The following ATXN8OS variants were observed in gnomAD, a reference collection of about 807,000 sequenced individuals.
ATXN8OS encodes ATXN8 opposite strand (non-protein coding).
At chr13:70,149,862 C>A (rs1051009346) in intron 4 of ATXN8OS, among the ~76,000 whole-genome samples, 1 of 151,884 alleles carries the variant, frequency 6.6e-6, no homozygotes. Flanking sequence ...CAAACAAAAA[C>A]TTTTTTTTCC....
At chr13:70,171,230 G>T (rs1408604934) in exon 5 of ATXN8OS, among the ~76,000 whole-genome samples, 1 of 152,122 alleles carries the variant, frequency 6.6e-6, no homozygotes, top group African/African-American at 2.4e-5. Flanking sequence ...AGTTTGAAGA[G>T]TTGGCTGGTG....
intron 3 of ATXN8OS, chr13:70,131,558 T>A (rs1211439652): frequency 2.5e-6 from 1 of 398,214 alleles, no homozygotes; most frequent in African/African-American, 2.1e-5. Flanking sequence ...GCCTTTGGAC[T>A]GCTTCTTTCC....
At chr13:70,130,441 G>A (rs1283180436) in intron 3 of ATXN8OS, among the ~76,000 whole-genome samples, 2 of 152,162 alleles carry the variant, frequency 1.3e-5, no homozygotes, top group Non-Finnish European at 2.9e-5. Context: ...AAGGCTTGAA[G>A]AATATAAAAT....
intron 4 of ATXN8OS, among the ~76,000 whole-genome samples, chr13:70,166,878 A>G (rs9542198): frequency 0.49 from 73,625 of 150,464 alleles, 20,367 homozygotes; most frequent in Non-Finnish European, 0.63. Context: ...CACTTCTCAA[A>G]AGAAGACATT....
intron 2 of ATXN8OS, among the ~76,000 whole-genome samples, chr13:70,118,730 T>G (rs1014560693): frequency 2.0e-5 from 3 of 152,116 alleles, no homozygotes; most frequent in African/African-American, 7.2e-5. Flanking sequence ...TCCTCTGATT[T>G]TGTAGATTCC....
chr13:70,117,875 A>G (rs189654170), intron 2 of ATXN8OS, among the ~76,000 whole-genome samples: 87 of 152,210 alleles, frequency 5.7e-4, no homozygotes, highest in African/African-American at 2.0e-3. Context: ...GTTTAAAAAT[A>G]AAGCTTTCAA....
At chr13:70,146,544 G>C (rs979367607) in intron 3 of ATXN8OS, among the ~76,000 whole-genome samples, 1 of 152,122 alleles carries the variant, frequency 6.6e-6, no homozygotes, top group South Asian at 2.1e-4. Flanking sequence ...ACTGGATTAA[G>C]AAAATGTGGC....
chr13:70,139,398 GC>G (rs1888672029), intron 3 of ATXN8OS: 9 of 610,984 alleles, frequency 1.5e-5, no homozygotes, highest in African/African-American at 2.3e-5. Context: ...TGCTGCTGCT[GC>G]TGCTGCTGCT....
rs552841984 is a variant in ATXN8OS, at chr13:70,152,840, C to T, written n.573+5412C>T. Among the ~76,000 whole-genome samples, 27 of 152,002 alleles carry T rather than the reference C, an allele frequency of 1.8e-4. 1 individual carries two copies. The highest frequency in any genetic ancestry group is 6.5e-4 in the African/African-American group (27 of 41,464). Reference sequence around the variant, plus strand: ...TTTACTCATTTATTTTTCCCAGCAGCATAGTAGTCCGTTTTATATGGAGTC... The same window carrying T: ...TTTACTCATTTATTTTTCCCAGCAGTATAGTAGTCCGTTTTATATGGAGTC... On this transcript the variant is annotated intron_variant and non_coding_transcript_variant, in intron 4 of 4. Transcript: ENST00000678624.
chr13:70,129,327 TG>T (rs1423754611), intron 2 of ATXN8OS, among the ~76,000 whole-genome samples: 1 of 152,140 alleles, frequency 6.6e-6, no homozygotes, highest in Admixed American at 6.6e-5. Flanking sequence ...TAATCATACT[TG>T]GATTATGAAC....
chr13:70,168,242 T>C (rs374706976), intron 4 of ATXN8OS, among the ~76,000 whole-genome samples: 13 of 152,256 alleles, frequency 8.5e-5, no homozygotes, highest in African/African-American at 3.1e-4. Flanking sequence ...TGACTCTTAA[T>C]GTTTCTACAT....
intron 1 of ATXN8OS, among the ~76,000 whole-genome samples, chr13:70,108,984 G>A (rs1411452673): frequency 1.5e-4 from 23 of 152,198 alleles, no homozygotes; most frequent in Admixed American, 1.0e-3. Flanking sequence ...GAACACGGGG[G>A]ACGGGTTTTG....
At chr13:70,146,949 T>A (rs1442926381) in intron 3 of ATXN8OS, among the ~76,000 whole-genome samples, 1 of 152,088 alleles carries the variant, frequency 6.6e-6, no homozygotes, top group East Asian at 1.9e-4. Flanking sequence ...TCATAATATA[T>A]CTTGATGTTA....
chr13:70,151,881 G>C (rs900790770), intron 4 of ATXN8OS, among the ~76,000 whole-genome samples: 1 of 152,008 alleles, frequency 6.6e-6, no homozygotes, highest in African/African-American at 2.4e-5. Context: ...ATCATTTTGA[G>C]ATATATTATT....
intron 1 of ATXN8OS, among the ~76,000 whole-genome samples, chr13:70,110,567 A>T (rs894799676): frequency 1.3e-5 from 2 of 151,946 alleles, no homozygotes; most frequent in African/African-American, 4.8e-5. Flanking sequence ...AAGGAGAAAA[A>T]AGAAAGAGGG....
chr13:70,140,961 A>G (rs917454039), intron 3 of ATXN8OS, among the ~76,000 whole-genome samples: 11 of 152,140 alleles, frequency 7.2e-5, no homozygotes, highest in African/African-American at 2.7e-4. Flanking sequence ...TGTTGGGATT[A>G]GTGATTACAG....
chr13:70,171,487 G>A (rs186158573), exon 5 of ATXN8OS, among the ~76,000 whole-genome samples: 13 of 152,190 alleles, frequency 8.5e-5, no homozygotes, highest in Admixed American at 7.2e-4. Context: ...AATAAGACTC[G>A]TGGTGCAGTA....
Position 70,139,377 on chromosome 13 carries a change from A to ACTGCTACTG in ATXN8OS, n.500-7976_500-7975insGCTACTGCT, listed in dbSNP as rs879063589. The ACTGCTACTG allele has an allele frequency of 3.1e-6, 2 of 645,384 alleles. 1 individual carries two copies. Among genetic ancestry groups the ACTGCTACTG allele is most frequent in the Non-Finnish European group, 5.2e-6 (2 of 386,752 alleles). 40.0% of individuals were successfully genotyped at this position (645,384 alleles called of 1,614,324 possible). A position where few individuals can be genotyped will look rare whatever the true frequency, so the allele number is the denominator to read the frequency against. The stretch of plus-strand genomic sequence containing the variant: ...TACTACTACTACTACTACTACTACT[A>ACTGCTACTG]CTACTACTGCTGCTGCTGCTGCTGC... On this transcript the variant is annotated intron_variant and non_coding_transcript_variant, in intron 3 of 4. Coordinates refer to ENST00000678624, the Ensembl canonical transcript of ATXN8OS.
At chr13:70,118,494 A>G (rs368322996) in intron 2 of ATXN8OS, among the ~76,000 whole-genome samples, 2 of 152,060 alleles carry the variant, frequency 1.3e-5, no homozygotes, top group Non-Finnish European at 2.9e-5. Flanking sequence ...ATGACATGCT[A>G]GTCACATTTC....
Sources: allele counts gnomAD v4.1 joint callset (sites outside exome capture counted in the v4.1 genomes callset), GRCh38; gene constraint gnomAD v4.1.1; transcripts MANE v1.5; gene names NCBI Gene and HGNC (gene_info 2026-07-23, HGNC 2026-07-21).